Variants in CBLC observed in about 807,000 individuals in gnomAD.
CBLC encodes Cbl proto-oncogene C.
In CBLC, 46 loss-of-function variants were observed where a neutral mutation model predicts 58.6. The ratio of observed to expected loss-of-function variants is 0.79; its 90% CI spans 0.62 to 1.00. The LOEUF is 1.00. Ranked by LOEUF, CBLC falls within the 50% of genes least tolerant of loss-of-function variation. The pLI is 0.00. For missense variants in CBLC, 655 were observed against 625.8 expected (o/e 1.05, Z -0.50); for synonymous variants, 271 against 264.2 (o/e 1.03, Z -0.25).
chr19:44,795,511 T>C (rs576810406), intron 9 of CBLC, among the ~76,000 whole-genome samples: 1 of 151,176 alleles, frequency 6.6e-6, no homozygotes, highest in Admixed American at 6.6e-5. Context: ...AATGAGACCC[T>C]GTCTCTAAAC....
At chr19:44,783,363 G>A (rs562348799) in intron 4 of CBLC, among the ~76,000 whole-genome samples, 1 of 152,166 alleles carries the variant, frequency 6.6e-6, no homozygotes, top group Non-Finnish European at 1.5e-5. Flanking sequence ...CAAAAATTTA[G>A]CCAAGCGTGG....
At chr19:44,787,286 C>T (rs1967934113) in intron 5 of CBLC, among the ~76,000 whole-genome samples, 1 of 151,828 alleles carries the variant, frequency 6.6e-6, no homozygotes, top group Non-Finnish European at 1.5e-5. Context: ...CCCAGCTACT[C>T]AGGAGGCTGA....
At chr19:44,785,175 C>T (rs1967866102) in intron 5 of CBLC, among the ~76,000 whole-genome samples, 3 of 151,150 alleles carry the variant, frequency 2.0e-5, no homozygotes, top group Non-Finnish European at 4.4e-5. Context: ...CAGGGTTTCA[C>T]CATGTTGGTC....
chr19:44,796,171 C>T (rs1168093446), intron 9 of CBLC, among the ~76,000 whole-genome samples: 4 of 151,944 alleles, frequency 2.6e-5, no homozygotes, highest in East Asian at 1.9e-4. Context: ...GCCAAGATCG[C>T]GCCACTGCAC....
intron 9 of CBLC, among the ~76,000 whole-genome samples, chr19:44,799,849 GAA>G (rs1018700103): frequency 3.3e-5 from 5 of 151,014 alleles, no homozygotes; most frequent in African/African-American, 9.7e-5. Flanking sequence ...GAAAAGAAAA[GAA>G]AGAAAAAGAA....
chr19:44,798,685 A>G (rs2967669), intron 9 of CBLC, among the ~76,000 whole-genome samples: 33,644 of 151,936 alleles, frequency 0.22, 5,075 homozygotes, highest in African/African-American at 0.43. Flanking sequence ...GCAGTGAGCC[A>G]AGATTGTGCC....
intron 6 of CBLC, among the ~76,000 whole-genome samples, chr19:44,791,750 A>G (rs933840204): frequency 6.6e-6 from 1 of 151,366 alleles, no homozygotes; most frequent in African/African-American, 2.4e-5. Flanking sequence ...AAAAAAAAAA[A>G]TGAGTGTAGA....
At chr19:44,788,619 A>G (rs1223474005) in intron 5 of CBLC, among the ~76,000 whole-genome samples, 1 of 151,566 alleles carries the variant, frequency 6.6e-6, no homozygotes, top group Non-Finnish European at 1.5e-5. Flanking sequence ...AGCTGTGATT[A>G]CAGACACGCA....
intron 7 of CBLC, among the ~76,000 whole-genome samples, chr19:44,792,989 A>C (rs1440291199): frequency 6.6e-6 from 1 of 152,070 alleles, no homozygotes; most frequent in East Asian, 1.9e-4. Context: ...TCTACTAAAA[A>C]AAAAATACAA....
chr19:44,792,539 TC>T (rs1361806680), intron 7 of CBLC, 25 bp downstream of exon 7: 2 of 1,553,980 alleles, frequency 1.3e-6, no homozygotes, highest in Admixed American at 3.7e-5. Context: ...TGTGGCGCCT[TC>T]CCCTCTGGTC....
intron 5 of CBLC, among the ~76,000 whole-genome samples, chr19:44,788,813 T>C (rs964253330): frequency 2.6e-5 from 4 of 152,180 alleles, no homozygotes; most frequent in Non-Finnish European, 5.9e-5. Flanking sequence ...AGCACTGTCT[T>C]ATTTAATCCA....
intron 9 of CBLC, among the ~76,000 whole-genome samples, chr19:44,795,391 C>T (rs1299888811): frequency 2.6e-5 from 4 of 152,058 alleles, no homozygotes; most frequent in Non-Finnish European, 5.9e-5. Context: ...GTGGCGCACA[C>T]CCGTAGTCCC....
chr19:44,795,934 G>A (rs1040836516), intron 9 of CBLC, among the ~76,000 whole-genome samples: 8 of 152,166 alleles, frequency 5.3e-5, no homozygotes, highest in Non-Finnish European at 8.8e-5. Flanking sequence ...TTCCTCTCCC[G>A]GCTGGGCGCG....
intron 1 of CBLC, among the ~76,000 whole-genome samples, chr19:44,780,629 C>G (rs1430208341): frequency 6.6e-6 from 1 of 151,436 alleles, no homozygotes; most frequent in African/African-American, 2.4e-5. Context: ...GGCGCCACCA[C>G]GCCAGGCTAA....
rs758611319 is a variant in CBLC, at chr19:44,778,025, T to A, written c.94T>A (p.Cys32Ser). 1 of 1,609,364 alleles carries A rather than the reference T, an allele frequency of 6.2e-7. No individual in the cohort carries two copies. The highest frequency in any genetic ancestry group is 8.5e-7 in the Non-Finnish European group (1 of 1,179,618). The stretch of plus-strand genomic sequence containing the variant: ...GATGCTGCAGCGCCTAGAAGAGCAA[T>A]GCGTCGACCCCCGGCTGTCCGTGAG... ...VRMLQRLEEQ[C>S]VDPRLSVSPP... Residue 32 changes from cysteine (C) to serine (S), a missense_variant, in exon 1 of 11, where the codon TGC (cysteine) becomes AGC (serine). This residue lies in a region of CBLC where 280 missense variants were observed against 237.2 expected (regional missense o/e 1.18). Coordinates refer to ENST00000647358, the MANE Select transcript of CBLC (RefSeq NM_012116.4).
At chr19:44,792,086 C>T (rs906230962) in intron 6 of CBLC, among the ~76,000 whole-genome samples, 1 of 151,670 alleles carries the variant, frequency 6.6e-6, no homozygotes, top group East Asian at 1.9e-4. Flanking sequence ...CTCCATCTCC[C>T]GGGTTCAAGC....
chr19:44,792,695 C>T (rs1219921506), intron 7 of CBLC, among the ~76,000 whole-genome samples, 181 bp downstream of exon 7: 1 of 152,200 alleles, frequency 6.6e-6, no homozygotes, highest in Non-Finnish European at 1.5e-5. Flanking sequence ...TTCCATCCCA[C>T]TCTGCACACG....
chr19:44,784,396 C>A lies in CBLC; in HGVS notation c.912C>A (p.Asp304Glu), dbSNP rs370388709. 1.3e-6 allele frequency: 2 copies of A among 1,580,344 alleles called. No individual in the cohort carries two copies. Among genetic ancestry groups the A allele is most frequent in the East Asian group, 4.5e-5 (2 of 44,096 alleles). ...AGGTGCTCCTGGAGGGACAGAAGGA[C>A]GGCTTGTGAGTCTCCATTCTGGTAG... ...LSQVLLEGQK[D>E]GFYLYPDGKT... is the part of the protein sequence containing the mutation. The change falls in exon 5 of 11, where the codon GAC (aspartate) becomes GAA (glutamate). Residue 304 changes from aspartate to glutamate, a missense_variant. Around this residue, in one of 3 missense-constraint regions of CBLC, gnomAD observed 371 missense variants for 370.8 expected, o/e 1.00. Coordinates refer to ENST00000647358, the MANE Select transcript of CBLC (RefSeq NM_012116.4).
intron 9 of CBLC, among the ~76,000 whole-genome samples, chr19:44,799,463 G>C (rs1290210824): frequency 2.6e-5 from 4 of 152,176 alleles, no homozygotes; most frequent in Non-Finnish European, 5.9e-5. Context: ...CTCCCAAGTA[G>C]CTGGAATTAC....
Sources: gnomAD v4.1 joint callset for allele counts (sites outside exome capture counted in the v4.1 genomes callset) on GRCh38, gnomAD v4.1.1 for gene constraint, gnomAD v4.1.1 regional missense constraint, MANE v1.5 for transcripts, NCBI Gene and HGNC (gene_info 2026-07-23, HGNC 2026-07-21) for gene names.